The following DIS3L2 variants were observed in gnomAD, a reference collection of about 807,000 sequenced individuals.
DIS3L2 encodes DIS3-like exonuclease 2.
In DIS3L2, 34 loss-of-function variants were observed where a neutral mutation model predicts 97.5. The observed-to-expected ratio is 0.35, with a 90% CI of 0.27 to 0.46. DIS3L2 has a LOEUF of 0.46. Among genes scored for constraint, DIS3L2 ranks in the 20% least tolerant of loss-of-function variants. The probability of loss-of-function intolerance (pLI) is 1.00; values close to 1 mark genes in which losing one functional copy is unlikely to be tolerated. For missense variants in DIS3L2, 1,038 were observed against 1,146.0 expected, an observed-to-expected ratio of 0.91 and a Z score of 1.36; for synonymous variants, 435 against 445.2, an observed-to-expected ratio of 0.98 and a Z score of 0.29.
chr2:232,056,860 T>C (rs1195120224), intron 5 of DIS3L2, among the ~76,000 whole-genome samples: 1 of 152,220 alleles, frequency 6.6e-6, no homozygotes, highest in Non-Finnish European at 1.5e-5. Context: ...GAAAACTGCT[T>C]GGCATCATTT....
chr2:232,094,027 A>G (rs1216962528), intron 6 of DIS3L2, among the ~76,000 whole-genome samples: 2 of 152,028 alleles, frequency 1.3e-5, no homozygotes, highest in African/African-American at 4.8e-5. Flanking sequence ...GGTTTTGAAT[A>G]TGCTGTGATT....
chr2:232,339,155 G>A (rs1362633882), downstream of DIS3L2, among the ~76,000 whole-genome samples: 1 of 152,242 alleles, frequency 6.6e-6, no homozygotes, highest in Non-Finnish European at 1.5e-5. Flanking sequence ...GGGAGAGACT[G>A]ACGCCTCCCC....
chr2:232,341,374 T>C (rs1696098782), downstream of DIS3L2, among the ~76,000 whole-genome samples: 1 of 152,210 alleles, frequency 6.6e-6, no homozygotes, highest in South Asian at 2.1e-4. Context: ...CTGGAGGACA[T>C]TGAAGTACTT....
intron 12 of DIS3L2, among the ~76,000 whole-genome samples, chr2:232,254,972 A>G (rs761706762): frequency 1.3e-5 from 2 of 152,230 alleles, no homozygotes; most frequent in East Asian, 3.8e-4. Flanking sequence ...AAGCGACCAC[A>G]TGAGAGGTAG....
intron 8 of DIS3L2, among the ~76,000 whole-genome samples, chr2:232,157,935 CA>C (rs1690542345): frequency 6.6e-6 from 1 of 152,194 alleles, no homozygotes; most frequent in Non-Finnish European, 1.5e-5. Context: ...TGTGCACTCT[CA>C]TGGAGCACAA....
intron 12 of DIS3L2, among the ~76,000 whole-genome samples, chr2:232,259,082 A>G (rs749510470): frequency 6.6e-6 from 1 of 152,134 alleles, no homozygotes; most frequent in Non-Finnish European, 1.5e-5. Context: ...TGGCTCTTCA[A>G]GCTTCTACCT....
intron 13 of DIS3L2, among the ~76,000 whole-genome samples, chr2:232,265,034 A>C (rs1693818041): frequency 6.6e-6 from 1 of 152,250 alleles, no homozygotes; most frequent in Non-Finnish European, 1.5e-5. Flanking sequence ...ATAGGGGATT[A>C]CAGAATACCT....
At chr2:232,253,250 C>A (rs749783727) in intron 12 of DIS3L2, among the ~76,000 whole-genome samples, 49 of 152,206 alleles carry the variant, frequency 3.2e-4, no homozygotes, top group Non-Finnish European at 6.3e-4. Flanking sequence ...AGTGCAATAG[C>A]CACAGGTGTG....
chr2:232,070,043 A>G (rs1042286416), intron 5 of DIS3L2, among the ~76,000 whole-genome samples: 1 of 152,254 alleles, frequency 6.6e-6, no homozygotes, highest in Non-Finnish European at 1.5e-5. Context: ...AGTAAAGAGT[A>G]TGAGTCAAAG....
chr2:232,263,554 A>G, intron 13 of DIS3L2, 114 bp downstream of exon 13: 1 of 1,019,152 alleles, frequency 9.8e-7, no homozygotes, highest in Non-Finnish European at 1.5e-6. Flanking sequence ...TGCTCCAGGC[A>G]CCACACTAAA....
At chr2:232,102,276 T>TC (rs1697226357) in intron 6 of DIS3L2, among the ~76,000 whole-genome samples, 1 of 152,174 alleles carries the variant, frequency 6.6e-6, no homozygotes, top group African/African-American at 2.4e-5. Flanking sequence ...GGGGAGTTGT[T>TC]CTAGTGAAAC....
At chr2:232,163,177 C>A (rs1057507425) in intron 8 of DIS3L2, among the ~76,000 whole-genome samples, 46 of 151,992 alleles carry the variant, frequency 3.0e-4, no homozygotes, top group Non-Finnish European at 7.4e-5. Flanking sequence ...CTGTGAAGAA[C>A]AATTGGAGGG....
chr2:231,962,751 A>T lies in DIS3L2; in HGVS notation c.-94+986A>T, dbSNP rs1165092637. On this transcript the variant is annotated intron_variant, in intron 1 of 20. Transcript: ENST00000325385. ...CACCCGGCCGACTGTTCCCATGTTT[A>T]TGTCCATGTGCGCTCAATGTTTCTA... is the stretch of plus-strand genomic sequence containing the variant. Among the ~76,000 whole-genome samples, 10 of 152,146 alleles carry T rather than the reference A, an allele frequency of 6.6e-5. No individual in the cohort carries two copies. In the East Asian group the frequency reaches 1.7e-3, roughly 26 times the overall value.
chr2:232,244,650 TGG>T (rs1693199094), intron 11 of DIS3L2, among the ~76,000 whole-genome samples: 1 of 152,144 alleles, frequency 6.6e-6, no homozygotes. Flanking sequence ...TGGGAGAAAT[TGG>T]CCAAAGGAAG....
intron 5 of DIS3L2, among the ~76,000 whole-genome samples, chr2:232,077,585 A>G (rs756693540): frequency 1.2e-4 from 18 of 152,218 alleles, no homozygotes; most frequent in Non-Finnish European, 2.1e-4. Flanking sequence ...GTTCATGGAA[A>G]AAGACTGAGA....
intron 9 of DIS3L2, among the ~76,000 whole-genome samples, chr2:232,174,199 G>A (rs1331615605): frequency 6.6e-6 from 1 of 151,998 alleles, no homozygotes; most frequent in Admixed American, 6.6e-5. Context: ...AAATGAAATT[G>A]TTTTCTTAAT....
At chr2:232,309,796 A>C (rs950163859) in intron 14 of DIS3L2, among the ~76,000 whole-genome samples, 1 of 152,240 alleles carries the variant, frequency 6.6e-6, no homozygotes, top group African/African-American at 2.4e-5. Context: ...ACTTCAGGGC[A>C]GATGCAGTGG....
intron 4 of DIS3L2, among the ~76,000 whole-genome samples, chr2:232,025,489 C>G (rs1419823006): frequency 6.6e-6 from 1 of 152,078 alleles, no homozygotes; most frequent in Non-Finnish European, 1.5e-5. Context: ...CGAGTCTTAC[C>G]CATTGAATTA....
rs17272089 is a variant in DIS3L2, at chr2:232,210,371, C to T, written c.1170C>T (p.Leu390=). 40,413 of 1,613,548 alleles carry T rather than the reference C, an allele frequency of 0.025. 638 individuals carry two copies. Among genetic ancestry groups the T allele is most frequent in the South Asian group, 0.04 (3,674 of 91,056 alleles). ...TTGACCCATCAACCGCCCGAGACCTCGATGATGCCCTCTCCTGCAAGCCAC... is the reference window on the plus strand; with the variant it reads ...TTGACCCATCAACCGCCCGAGACCTTGATGATGCCCTCTCCTGCAAGCCAC... The part of the protein sequence containing the change: ...FTIDPSTARD[L]DDALSCKPLA... The change falls in exon 10 of 21, where the codon CTC becomes CTT. Residue 390 remains leucine (L), a synonymous_variant. Coordinates refer to ENST00000325385, the MANE Select transcript of DIS3L2 (RefSeq NM_152383.5).
Sources: gnomAD v4.1 joint callset for allele counts (sites outside exome capture counted in the v4.1 genomes callset) on GRCh38, gnomAD v4.1.1 for gene constraint, MANE v1.5 for transcripts, NCBI Gene and HGNC (gene_info 2026-07-23, HGNC 2026-07-21) for gene names.